FAM204A: variants seen among roughly 807,000 people sequenced by gnomAD.
The protein encoded by FAM204A is family with sequence similarity 204 member A.
Under a neutral mutation model 35.4 loss-of-function variants are expected in FAM204A, and 16 were observed. The observed-to-expected ratio is 0.45, with a 90% CI of 0.31 to 0.69. The LOEUF (loss-of-function observed/expected upper bound fraction) is 0.69. Among genes scored for constraint, FAM204A ranks in the 30% least tolerant of loss-of-function variants. The pLI is 0.07. For missense variants in FAM204A, 240 were observed against 265.7 expected, an observed-to-expected ratio of 0.90 and a Z score of 0.67; for synonymous variants, 76 against 86.9, an observed-to-expected ratio of 0.88 and a Z score of 0.70.
rs1158609976 is a variant in FAM204A at position 118,341,374 on chromosome 10, T to C, written c.-9+353A>G. Among the ~76,000 whole-genome samples the C allele has an allele frequency of 8.5e-5, 13 of 152,216 alleles. No individual in the cohort carries two copies. In the East Asian group the frequency reaches 2.1e-3, roughly 25 times the overall value. ...CCACAATTATTTAACAATCTGAAGA[T>C]TGTAATTTACATCATAATCAGAGTC... On this transcript the variant is annotated intron_variant, in intron 2 of 8. Coordinates refer to ENST00000369183, the MANE Select transcript of FAM204A (RefSeq NM_022063.3).
intron 3 of FAM204A, chr10:118,335,963 GT>G (rs78235738): frequency 0.054 from 22,901 of 427,648 alleles, 4 homozygotes; most frequent in East Asian, 0.072. Context: ...AGTGGTTTGG[GT>G]TTTTTTTTTT....
chr10:118,301,540 A>G lies in FAM204A; in HGVS notation c.*9317T>C, dbSNP rs933072388. ...TGTCTGTTCTTTGCTCTAGAGTGAGACACTATCTCAATCTTCCAAGGATGT... is the reference window on the plus strand; with the variant it reads ...TGTCTGTTCTTTGCTCTAGAGTGAGGCACTATCTCAATCTTCCAAGGATGT... On this transcript the variant is annotated 3_prime_UTR_variant, in exon 9 of 9. Transcript: ENST00000369183. 1.3e-5 allele frequency: 2 copies of G among 152,164 alleles called. No individual in the cohort carries two copies. Among genetic ancestry groups the G allele is most frequent in the African/African-American group, 4.8e-5 (2 of 41,428 alleles). 9.4% of individuals were successfully genotyped at this position (152,164 alleles called of 1,614,324 possible). A position where few individuals can be genotyped will look rare whatever the true frequency, so the allele number is the denominator to read the frequency against.
Position 118,316,542 on chromosome 10 carries a change from G to A in FAM204A, c.544-5229C>T, listed in dbSNP as rs182926749. 6.4e-4 allele frequency among the ~76,000 whole-genome samples: 97 copies of A among 152,236 alleles called. No individual in the cohort carries two copies. The East Asian group carries it at 0.015, about 23-fold the overall frequency. ...TGTCATCTTAAAATGTGCATGCACA[G>A]GTTTGCATATGTTTGCACGTTTGTA... On this transcript the variant is annotated intron_variant, in intron 7 of 8. Transcript: ENST00000369183.
At chr10:118,322,217 C>G (rs1430819568) in intron 7 of FAM204A, 1 of 383,954 alleles carries the variant, frequency 2.6e-6, no homozygotes, top group Non-Finnish European at 5.3e-6. Flanking sequence ...TACACAGTCT[C>G]AGATTATCTC....
intron 7 of FAM204A, 165 bp from the exon 8 acceptor site, chr10:118,311,478 A>G: frequency 1.7e-6 from 1 of 593,780 alleles, no homozygotes; most frequent in Non-Finnish European, 2.9e-6. Flanking sequence ...CAAAGACAGG[A>G]CCCATATCTC....
At chr10:118,321,724 C>CAAAAAAAAAAAAAA (rs200200755) in intron 7 of FAM204A, among the ~76,000 whole-genome samples, 7 of 87,246 alleles carry the variant, frequency 8.0e-5, no homozygotes, top group African/African-American at 1.3e-4. Flanking sequence ...TATGACAAAG[C>CAAAAAAAAAAAAAA]AAAAAAAAAA....
chr10:118,312,938 T>A (rs552343029), intron 7 of FAM204A, among the ~76,000 whole-genome samples: 70 of 152,314 alleles, frequency 4.6e-4, no homozygotes, highest in Non-Finnish European at 8.8e-4. Flanking sequence ...ACTGCTTTAG[T>A]ATTGGCTTTG....
Position 118,311,185 on chromosome 10 carries a change from C to T in FAM204A, c.650+22G>A, listed in dbSNP as rs1167335575. 4.4e-6 allele frequency: 7 copies of T among 1,590,746 alleles called. No homozygotes were observed. The South Asian group carries it at 8.0e-5, about 18-fold the overall frequency. On this transcript the variant is annotated intron_variant, in intron 8 of 8. Transcript: ENST00000369183. Reference sequence around the variant, plus strand: ...TCTATGAAGTCAGGAGATTTACTACCAAAAATCTTAAGTAAACTCACCCCC... The same window carrying T: ...TCTATGAAGTCAGGAGATTTACTACTAAAAATCTTAAGTAAACTCACCCCC...
Position 118,305,703 on chromosome 10 carries a change from A to C in FAM204A, c.*5154T>G, listed in dbSNP as rs1320589277. ...AATGGAGTTGTTCAAAACATGGTTTACATATATTTCCTATTAGATTTTGCT... is the reference window on the plus strand; with the variant it reads ...AATGGAGTTGTTCAAAACATGGTTTCCATATATTTCCTATTAGATTTTGCT... On this transcript the variant is annotated 3_prime_UTR_variant, in exon 9 of 9. Coordinates refer to ENST00000369183, the MANE Select transcript of FAM204A (RefSeq NM_022063.3). 2 of 152,248 alleles carry C rather than the reference A, an allele frequency of 1.3e-5. No individual in the cohort carries two copies. Among genetic ancestry groups the C allele is most frequent in the East Asian group, 3.8e-4 (2 of 5,200 alleles). The allele number at this position is 152,248 out of a possible 1,614,324, so 9.4% of individuals were successfully genotyped here. A position where few individuals can be genotyped will look rare whatever the true frequency, so the allele number is the denominator to read the frequency against.
Position 118,308,970 on chromosome 10 carries a change from C to T in FAM204A, c.*1887G>A, listed in dbSNP as rs1022924676. On this transcript the variant is annotated 3_prime_UTR_variant, in exon 9 of 9. Coordinates refer to ENST00000369183, the MANE Select transcript of FAM204A (RefSeq NM_022063.3). ...AGAATATCTATACCACTCGCCTGCT[C>T]AAAAATAACATTTTTAGGATTTCAG... The T allele has an allele frequency of 4.0e-5, 6 of 151,894 alleles. No homozygotes were observed. Among genetic ancestry groups the T allele is most frequent in the Non-Finnish European group, 8.8e-5 (6 of 68,006 alleles). 9.4% of individuals were successfully genotyped at this position (151,894 alleles called of 1,614,324 possible).
rs894179413 is a variant in FAM204A at position 118,302,275 on chromosome 10, T to C, written c.*8582A>G. 4 of 152,262 alleles carry C rather than the reference T, an allele frequency of 2.6e-5. No homozygotes were observed. The highest frequency in any genetic ancestry group is 9.6e-5 in the African/African-American group (4 of 41,476). 9.4% of individuals were successfully genotyped at this position (152,262 alleles called of 1,614,324 possible). A position where few individuals can be genotyped will look rare whatever the true frequency, so the allele number is the denominator to read the frequency against. ...GGAAATGCAGGAAGAGGGATCCATTTCTTCCAGATTCTGTTATCTGACCTT... is the reference window on the plus strand; with the variant it reads ...GGAAATGCAGGAAGAGGGATCCATTCCTTCCAGATTCTGTTATCTGACCTT... On this transcript the variant is annotated 3_prime_UTR_variant, in exon 9 of 9. Transcript: ENST00000369183.
intron 7 of FAM204A, among the ~76,000 whole-genome samples, chr10:118,314,735 G>T (rs1402016800): frequency 6.6e-6 from 1 of 152,108 alleles, no homozygotes; most frequent in East Asian, 1.9e-4. Flanking sequence ...AACGTGGAAA[G>T]AAATTTTTTT....
At chr10:118,330,022 A>G (rs1275612657) in intron 6 of FAM204A, among the ~76,000 whole-genome samples, 1 of 152,206 alleles carries the variant, frequency 6.6e-6, no homozygotes, top group Non-Finnish European at 1.5e-5. Context: ...AAGGGCATGG[A>G]GAGTATCTTC....
chr10:118,328,681 C>T (rs1453196226), intron 6 of FAM204A, among the ~76,000 whole-genome samples: 1 of 152,014 alleles, frequency 6.6e-6, no homozygotes, highest in African/African-American at 2.4e-5. Flanking sequence ...TTAGTATAGA[C>T]ATGGTTTCAC....
chr10:118,332,184 A>AAAAAAAAAAAAAAAAAAAAC (rs1846302052), intron 6 of FAM204A, among the ~76,000 whole-genome samples: 1 of 150,080 alleles, frequency 6.7e-6, no homozygotes, highest in African/African-American at 2.4e-5. Context: ...AAAAAAAAAA[A>AAAAAAAAAAAAAAAAAAAAC]AAAAATCATA....
intron 7 of FAM204A, among the ~76,000 whole-genome samples, chr10:118,319,951 A>G (rs79083252): frequency 0.013 from 2,010 of 152,090 alleles, 39 homozygotes; most frequent in African/African-American, 0.046. Context: ...TAAAAAAGCC[A>G]AAATGAAATT....
chr10:118,326,022 G>A, intron 7 of FAM204A, 132 bp downstream of exon 7: 1 of 648,112 alleles, frequency 1.5e-6, no homozygotes, highest in African/African-American at 1.8e-5. Flanking sequence ...GAATAAAAGA[G>A]AAGAAAATGG....
chr10:118,335,955 T>C, intron 3 of FAM204A: 1 of 557,752 alleles, frequency 1.8e-6, no homozygotes, highest in South Asian at 2.8e-5. Flanking sequence ...TACTACATAG[T>C]GGTTTGGGTT....
At chr10:118,324,358 T>G (rs1846165679) in intron 7 of FAM204A, among the ~76,000 whole-genome samples, 1 of 152,184 alleles carries the variant, frequency 6.6e-6, no homozygotes, top group African/African-American at 2.4e-5. Context: ...TTCAAACAGA[T>G]ATTTGTACAC....
Sources: gnomAD v4.1 joint callset for allele counts (sites outside exome capture counted in the v4.1 genomes callset) on GRCh38, gnomAD v4.1.1 for gene constraint, MANE v1.5 for transcripts, NCBI Gene and HGNC (gene_info 2026-07-23, HGNC 2026-07-21) for gene names.